Variants in KIF26B observed in about 807,000 individuals in gnomAD.
KIF26B encodes kinesin family member 26B.
In KIF26B, 63 loss-of-function variants were observed where a neutral mutation model predicts 151.2. The ratio of observed to expected loss-of-function variants is 0.42; its 90% CI spans 0.34 to 0.51. The LOEUF is 0.51. Ranked by LOEUF, KIF26B falls within the 20% of genes least tolerant of loss-of-function variation. KIF26B has a pLI of 0.07. For missense variants in KIF26B, 2,813 were observed against 2,913.6 expected (o/e 0.97, Z 0.79); for synonymous variants, 1,357 against 1,262.1 (o/e 1.08, Z -1.59).
At chr1:245,578,880 C>G (rs571494958) in intron 5 of KIF26B, among the ~76,000 whole-genome samples, 1 of 152,226 alleles carries the variant, frequency 6.6e-6, no homozygotes, top group Non-Finnish European at 1.5e-5. Context: ...TTAGTGATGC[C>G]AGAAATAACA....
rs1483223431 is a variant in KIF26B, at chr1:245,597,007, C to T, written c.1351-5570C>T. Among the ~76,000 whole-genome samples, 1 of 152,126 alleles carries T rather than the reference C, an allele frequency of 6.6e-6. No individual in the cohort carries two copies. The highest frequency in any genetic ancestry group is 2.4e-5 in the African/African-American group (1 of 41,442). Reference sequence around the variant, plus strand: ...TTGCTTGGTAAATCTTCCTCCATCCCTTTATTTTGAGGCTATGTGTGACTC... The same window carrying T: ...TTGCTTGGTAAATCTTCCTCCATCCTTTTATTTTGAGGCTATGTGTGACTC... On this transcript the variant is annotated intron_variant, in intron 5 of 14. Transcript: ENST00000407071. This position sits in a 1 kb window ranked among gnomAD's most constrained non-coding sequence, Gnocchi z 4.6.
chr1:245,577,651 C>A (rs1279067199), intron 5 of KIF26B, among the ~76,000 whole-genome samples: 3 of 141,046 alleles, frequency 2.1e-5, no homozygotes, highest in African/African-American at 8.1e-5. Flanking sequence ...TGTGGAACTC[C>A]AGGCGATGCA....
At chr1:245,446,349 G>C (rs1659250719) in intron 4 of KIF26B, among the ~76,000 whole-genome samples, 2 of 152,178 alleles carry the variant, frequency 1.3e-5, no homozygotes. Context: ...GCCATATTAA[G>C]GTATACACTG....
chr1:245,618,616 C>T (rs1572161702), intron 9 of KIF26B, among the ~76,000 whole-genome samples: 2 of 145,870 alleles, frequency 1.4e-5, no homozygotes, highest in African/African-American at 2.7e-5. Flanking sequence ...TTCCTTGAGA[C>T]AGAGTGCCAC....
intron 4 of KIF26B, among the ~76,000 whole-genome samples, chr1:245,438,339 A>G (rs1658983139): frequency 6.6e-6 from 1 of 152,266 alleles, no homozygotes; most frequent in African/African-American, 2.4e-5. Flanking sequence ...AAAGAAGTAC[A>G]GACACAACTT....
chr1:245,205,997 C>G (rs1669398582), intron 2 of KIF26B, among the ~76,000 whole-genome samples: 1 of 152,058 alleles, frequency 6.6e-6, no homozygotes, highest in African/African-American at 2.4e-5. Flanking sequence ...CTCACCCTCC[C>G]AAAGTGCAGG....
chr1:245,689,263 C>T (rs76625551), intron 12 of KIF26B, among the ~76,000 whole-genome samples: 3 of 152,308 alleles, frequency 2.0e-5, no homozygotes, highest in South Asian at 2.1e-4. Flanking sequence ...ATCCTGTGGA[C>T]GGTTTACAGC....
intron 5 of KIF26B, among the ~76,000 whole-genome samples, chr1:245,561,655 A>C (rs1370445720): frequency 1.3e-5 from 2 of 152,164 alleles, no homozygotes; most frequent in African/African-American, 4.8e-5. Flanking sequence ...ACCTCATTTC[A>C]TTTGTACATA....
intron 2 of KIF26B, among the ~76,000 whole-genome samples, chr1:245,159,019 C>T (rs1348574263): frequency 1.3e-5 from 2 of 152,066 alleles, no homozygotes; most frequent in African/African-American, 4.8e-5. Flanking sequence ...TTCTTCTTCC[C>T]GGAGCAATAT....
In KIF26B at chr1:245,564,660, A is replaced by T. The variant is rs2042990785; in HGVS notation, c.1350+23710A>T. 6.6e-6 allele frequency among the ~76,000 whole-genome samples: 1 copy of T among 152,162 alleles called. No individual in the cohort carries two copies. Among genetic ancestry groups the T allele is most frequent in the African/African-American group, 2.4e-5 (1 of 41,434 alleles). The stretch of plus-strand genomic sequence containing the variant: ...ACAGCAAATGGCACAGACTCGAGGG[A>T]ATGTTTTCCTTCCGGAACAACATTA... On this transcript the variant is annotated intron_variant, in intron 5 of 14. Transcript: ENST00000407071. The surrounding 1 kb of genome is among the most constrained non-coding windows in gnomAD (Gnocchi z 4.6).
rs111492788 is a variant in KIF26B at position 245,220,249 on chromosome 1, G to C, written c.465+63566G>C. Among the ~76,000 whole-genome samples the C allele has an allele frequency of 4.3e-4, 65 of 152,286 alleles. 2 individuals are homozygous for C. The highest frequency in any genetic ancestry group is 1.4e-3 in the African/African-American group (60 of 41,564). On this transcript the variant is annotated intron_variant, in intron 2 of 14. Coordinates refer to ENST00000407071, the MANE Select transcript of KIF26B (RefSeq NM_018012.4). ...TAGATGGATAGTAACAATAATCACC[G>C]ATAGGAAAGTCATCCTGACTGGGGT...
At chr1:245,575,201 G>A (rs1369959568) in intron 5 of KIF26B, among the ~76,000 whole-genome samples, 2 of 151,756 alleles carry the variant, frequency 1.3e-5, no homozygotes, top group South Asian at 4.2e-4. Flanking sequence ...TAGGCTGGGG[G>A]CGGTGGCTCA....
intron 2 of KIF26B, among the ~76,000 whole-genome samples, chr1:245,242,794 GGCAC>G (rs572039928): frequency 1.6e-3 from 242 of 152,206 alleles, no homozygotes; most frequent in Non-Finnish European, 2.5e-3. Context: ...TGGGATTACA[GGCAC>G]GCACCACCAC....
intron 5 of KIF26B, among the ~76,000 whole-genome samples, chr1:245,570,617 G>C (rs1355188166): frequency 6.6e-6 from 1 of 152,212 alleles, no homozygotes; most frequent in African/African-American, 2.4e-5. Flanking sequence ...AGAGGCATGG[G>C]CCAGGAAAGG....
chr1:245,314,977 T>G (rs1352739545), intron 2 of KIF26B, among the ~76,000 whole-genome samples: 2 of 152,020 alleles, frequency 1.3e-5, no homozygotes, highest in Non-Finnish European at 2.9e-5. Flanking sequence ...GGTCGGGAGT[T>G]GGAGACCGGC....
chr1:245,520,059 A>AT (rs1661055362), intron 4 of KIF26B, among the ~76,000 whole-genome samples: 1 of 151,794 alleles, frequency 6.6e-6, no homozygotes, highest in Non-Finnish European at 1.5e-5. Context: ...AAATATCTAC[A>AT]TTTTTTAAAA....
chr1:245,635,659 C>G (rs1215307632), intron 9 of KIF26B, among the ~76,000 whole-genome samples: 1 of 149,260 alleles, frequency 6.7e-6, no homozygotes, highest in East Asian at 2.0e-4. Context: ...TTTTTCCTTT[C>G]TGCTATTATT....
intron 3 of KIF26B, among the ~76,000 whole-genome samples, chr1:245,415,200 G>A (rs1325050407): frequency 1.3e-5 from 2 of 152,076 alleles, no homozygotes; most frequent in African/African-American, 2.4e-5. Context: ...ATAGAATATG[G>A]ATCACTGCCA....
At chr1:245,349,152 T>C (rs145630361) in intron 2 of KIF26B, among the ~76,000 whole-genome samples, 209 of 152,322 alleles carry the variant, frequency 1.4e-3, no homozygotes, top group Admixed American at 2.5e-3. Flanking sequence ...AATATTCTGT[T>C]GAATGAATCA....
Sources: gnomAD v4.1 joint callset for allele counts (sites outside exome capture counted in the v4.1 genomes callset) on GRCh38, gnomAD v4.1.1 for gene constraint, Gnocchi (gnomAD v3.1) non-coding constraint, MANE v1.5 for transcripts, NCBI Gene and HGNC (gene_info 2026-07-23, HGNC 2026-07-21) for gene names.